Variants in COL18A1 observed in about 807,000 individuals in gnomAD.
COL18A1 encodes the protein collagen type XVIII alpha 1 chain, also known as collagen alpha-1(XVIII) chain.
A neutral mutation model predicts 168.0 loss-of-function variants in COL18A1; 133 were observed. The ratio of observed to expected loss-of-function variants is 0.79; its 90% CI spans 0.69 to 0.91. The LOEUF is 0.91. Ranked by LOEUF, COL18A1 falls within the 40% of genes least tolerant of loss-of-function variation. COL18A1 has a pLI of 0.00. For missense variants in COL18A1, 2,126 were observed against 1,925.4 expected (o/e 1.10, Z -1.95); for synonymous variants, 949 against 809.0 (o/e 1.17, Z -2.94).
In COL18A1 at chr21:45,511,172, C is replaced by G; in HGVS notation, c.3755C>G (p.Pro1252Arg). 1 of 1,601,788 alleles carries G rather than the reference C, an allele frequency of 6.2e-7. No homozygotes were observed. The highest frequency in any genetic ancestry group is 8.5e-7 in the Non-Finnish European group (1 of 1,174,258). Residue 1252 changes from proline (P) to arginine (R), a missense_variant, in exon 41 of 42, where the codon CCC (proline) becomes CGC (arginine). Physicochemically the swap from Pro to Arg is moderately radical, Grantham distance 103. Coordinates refer to ENST00000651438, the MANE Select transcript of COL18A1 (RefSeq NM_001379500.1). ...LFSGSEGPLK[P>R]GARIFSFDGK... The stretch of plus-strand genomic sequence containing the variant: ...TCAGGCTCTGAGGGTCCGCTGAAGC[C>G]CGGGGCACGCATCTTCTCCTTTGAC...
chr21:45,470,035 G>T (rs1015698277), intron 3 of COL18A1, among the ~76,000 whole-genome samples: 4 of 152,202 alleles, frequency 2.6e-5, no homozygotes, highest in African/African-American at 9.7e-5. Context: ...CACAAGTGCC[G>T]TACATCTTTA....
intron 2 of COL18A1, among the ~76,000 whole-genome samples, chr21:45,432,568 A>T (rs545100436): frequency 6.6e-6 from 1 of 152,332 alleles, no homozygotes; most frequent in East Asian, 1.9e-4. Flanking sequence ...AACCCCCTCG[A>T]GTCCTAACAT....
At chr21:45,432,129 A>C (rs916679207) in intron 2 of COL18A1, among the ~76,000 whole-genome samples, 14 of 152,184 alleles carry the variant, frequency 9.2e-5, no homozygotes, top group Admixed American at 3.3e-4. Flanking sequence ...GGAGATAAGG[A>C]AAGTTCCAGA....
intron 32 of COL18A1, among the ~76,000 whole-genome samples, chr21:45,500,196 G>GGGGTGTAT (rs1439160372): frequency 7.5e-5 from 5 of 66,416 alleles, no homozygotes; most frequent in African/African-American, 3.5e-4. Flanking sequence ...GGTGTGTGTG[G>GGGGTGTAT]AGTGTGTGTG....
chr21:45,415,908 G>A (rs2033428911), intron 2 of COL18A1, among the ~76,000 whole-genome samples: 1 of 152,192 alleles, frequency 6.6e-6, no homozygotes. Context: ...GAGGGTACTT[G>A]CCGGGGGCCG....
At chr21:45,504,650 G>A in intron 34 of COL18A1, 94 bp downstream of exon 34, 2 of 1,120,552 alleles carry the variant, frequency 1.8e-6, no homozygotes, top group African/African-American at 1.6e-5. Flanking sequence ...CACCCGCGAA[G>A]GCCGGAGCTG....
intron 38 of COL18A1, among the ~76,000 whole-genome samples, chr21:45,507,965 GTGGGTGAC>G (rs1263901840): frequency 6.6e-6 from 1 of 152,220 alleles, no homozygotes; most frequent in Admixed American, 6.5e-5. Flanking sequence ...TCTAAGAGTG[GTGGGTGAC>G]TGGGTGGGTG....
At position 45,478,334 on chromosome 21, in the gene COL18A1, C is replaced by T. The variant is rs1368832919; in HGVS notation, c.1229C>T (p.Pro410Leu). 8 of 1,614,012 alleles carry T rather than the reference C, an allele frequency of 5.0e-6. No individual in the cohort carries two copies. Among genetic ancestry groups the T allele is most frequent in the Non-Finnish European group, 5.9e-6 (7 of 1,180,040 alleles). The stretch of plus-strand genomic sequence containing the variant: ...CTTCTCTTGCACACCCAGGGCGACC[C>T]CGGTGAAGACGGAAAGCCGGTGAGT... Reference protein sequence around the residue: ...TPGRDGEPGDPGEDGKPGDTG... With the variant: ...TPGRDGEPGDLGEDGKPGDTG... Residue 410 changes from proline to leucine, a missense_variant, in exon 9 of 42, where the codon CCC becomes CTC. Pro to Leu is a moderately conservative substitution (Grantham distance 98). Coordinates refer to ENST00000651438, the MANE Select transcript of COL18A1 (RefSeq NM_001379500.1).
intron 11 of COL18A1, 72 bp downstream of exon 11, chr21:45,480,228 G>C: frequency 8.7e-7 from 1 of 1,147,752 alleles, no homozygotes; most frequent in Non-Finnish European, 1.3e-6. Context: ...CTCTGGCCCA[G>C]AAGTATCAGC....
At chr21:45,421,680 T>A in intron 2 of COL18A1, 1 of 478,850 alleles carries the variant, frequency 2.1e-6, no homozygotes, top group South Asian at 1.6e-5. Flanking sequence ...CTCACACTGT[T>A]TCAGGGTTGG....
intron 24 of COL18A1, 105 bp downstream of exon 24, chr21:45,492,818 G>A (rs1025155255): frequency 1.6e-5 from 14 of 878,062 alleles, no homozygotes; most frequent in African/African-American, 3.3e-5. Flanking sequence ...TGTCAGGCCC[G>A]AGGGATAGCG....
Position 45,480,829 on chromosome 21 carries a change from G to T in COL18A1, c.1582G>T (p.Glu528Ter). 1 of 1,611,630 alleles carries T rather than the reference G, an allele frequency of 6.2e-7. No homozygotes were observed. Among genetic ancestry groups the T allele is most frequent in the African/African-American group, 1.3e-5 (1 of 75,014 alleles). ...PAGLPGVPGR[E>*]GPPGFPGLPG... ...CGGCCTTCCTGGTGTGCCTGGGCGC[G>T]AGGGTCCCCCCGGGTTTCCTGGCCT... The change falls in exon 13 of 42, where the codon GAG becomes TAG. Residue 528 changes from glutamate to a stop codon, truncating the protein, a stop_gained. Transcript: ENST00000651438. LOFTEE classifies it high-confidence loss of function.
In COL18A1 at chr21:45,443,968, C is replaced by T. The variant is rs1053900053; in HGVS notation, c.107-24274C>T. 7.2e-5 allele frequency among the ~76,000 whole-genome samples: 11 copies of T among 152,140 alleles called. No individual in the cohort carries two copies. The highest frequency in any genetic ancestry group is 4.1e-4 in the South Asian group (2 of 4,828). On this transcript the variant is annotated intron_variant, in intron 2 of 41. Transcript: ENST00000651438. This position sits in a 1 kb window ranked among gnomAD's most constrained non-coding sequence, Gnocchi z 5.2. The stretch of plus-strand genomic sequence containing the variant: ...TTTGGGTGGCCAGGATGTCACAGGG[C>T]GAGTAGGTGTCTGGCCCTACCACTG...
chr21:45,452,639 T>A (rs1382557994), intron 2 of COL18A1, among the ~76,000 whole-genome samples: 1 of 151,064 alleles, frequency 6.6e-6, no homozygotes, highest in Non-Finnish European at 1.5e-5. Flanking sequence ...TGTAAGCATG[T>A]GTGTGTGAGC....
intron 2 of COL18A1, among the ~76,000 whole-genome samples, chr21:45,433,558 C>T (rs908828668): frequency 2.0e-5 from 3 of 152,186 alleles, no homozygotes; most frequent in African/African-American, 7.2e-5. Flanking sequence ...AGGCTCCTTT[C>T]GCGTGGCTGT....
chr21:45,512,438 T>G lies in COL18A1; in HGVS notation c.*40T>G. On this transcript the variant is annotated 3_prime_UTR_variant, in exon 42 of 42. Transcript: ENST00000651438. Reference sequence around the variant, plus strand: ...CGGATGGCCGGAGAGGACCGGCGGCTCGGAGGAAGCCCCCACCGTGGGCAG... The same window carrying G: ...CGGATGGCCGGAGAGGACCGGCGGCGCGGAGGAAGCCCCCACCGTGGGCAG... The G allele has an allele frequency of 1.3e-6, 2 of 1,586,472 alleles. No individual in the cohort carries two copies. Among genetic ancestry groups the G allele is most frequent in the South Asian group, 1.1e-5 (1 of 88,106 alleles).
intron 2 of COL18A1, among the ~76,000 whole-genome samples, chr21:45,405,979 G>A (rs1262650638): frequency 1.3e-5 from 2 of 152,244 alleles, no homozygotes; most frequent in East Asian, 1.9e-4. Context: ...CTGTCCCCGC[G>A]CCCGCCGTGG....
chr21:45,465,531 G>A (rs190276380), intron 2 of COL18A1, among the ~76,000 whole-genome samples: 7 of 152,306 alleles, frequency 4.6e-5, no homozygotes, highest in African/African-American at 1.7e-4. Context: ...TCAAGCTCTG[G>A]ATCAGGTTCC....
At chr21:45,472,323 A>G (rs1452692621) in intron 3 of COL18A1, among the ~76,000 whole-genome samples, 4 of 150,740 alleles carry the variant, frequency 2.7e-5, no homozygotes, top group African/African-American at 7.4e-5. Context: ...TCCCGGGTTC[A>G]CGCCATTCTC....
Sources: allele counts gnomAD v4.1 joint callset (sites outside exome capture counted in the v4.1 genomes callset), GRCh38; gene constraint gnomAD v4.1.1; non-coding constraint Gnocchi (gnomAD v3.1); transcripts MANE v1.5; gene names NCBI Gene and HGNC (gene_info 2026-07-23, HGNC 2026-07-21).